The following DGCR2 variants were observed in gnomAD, a reference collection of about 807,000 sequenced individuals.
DGCR2 encodes the protein integral membrane protein DGCR2/IDD.
A neutral mutation model predicts 51.6 loss-of-function variants in DGCR2; 24 were observed. The observed-to-expected ratio is 0.47, with a 90% CI of 0.34 to 0.65. DGCR2 has a LOEUF of 0.65. Among genes scored for constraint, DGCR2 ranks in the 30% least tolerant of loss-of-function variants. The pLI, the probability that DGCR2 is intolerant of heterozygous loss-of-function variation, is 0.01. For missense variants in DGCR2, 765 were observed against 772.1 expected, an observed-to-expected ratio of 0.99 and a Z score of 0.11; for synonymous variants, 340 against 315.4, an observed-to-expected ratio of 1.08 and a Z score of -0.82.
chr22:19,077,596 A>G (rs5993507), intron 2 of DGCR2, among the ~76,000 whole-genome samples: 64,914 of 151,866 alleles, frequency 0.43, 14,194 homozygotes, highest in African/African-American at 0.53. Context: ...CAGCTTTGTA[A>G]TAAGGTTTAA....
chr22:19,064,350 A>T (rs2082723517), intron 4 of DGCR2, among the ~76,000 whole-genome samples: 1 of 152,252 alleles, frequency 6.6e-6, no homozygotes, highest in Non-Finnish European at 1.5e-5. Context: ...GTAGCTGCAG[A>T]AGGAAAAACA....
At chr22:19,087,303 G>GA (rs1448460615) in intron 2 of DGCR2, among the ~76,000 whole-genome samples, 13 of 152,164 alleles carry the variant, frequency 8.5e-5, no homozygotes, top group Admixed American at 7.9e-4. Context: ...CCCTCATTTG[G>GA]AAAGGCAAAC....
chr22:19,062,266 C>T (rs752006548), intron 5 of DGCR2, among the ~76,000 whole-genome samples: 5 of 152,124 alleles, frequency 3.3e-5, no homozygotes, highest in East Asian at 3.9e-4. Context: ...TGAGCAGGAT[C>T]GGGACAGCAG....
intron 7 of DGCR2, among the ~76,000 whole-genome samples, chr22:19,044,088 GACTA>G (rs1245607416): frequency 1.3e-5 from 2 of 152,170 alleles, no homozygotes; most frequent in Admixed American, 6.5e-5. Context: ...CCTTTGCAAT[GACTA>G]ACTCTTAATC....
rs1377492826 is a variant in DGCR2 at position 19,048,663 on chromosome 22, T to C, written c.803-20A>G. On this transcript the variant is annotated intron_variant, in intron 6 of 9. Transcript: ENST00000263196. ...TTTGACCTGCAATGAGCATACATTG[T>C]GTACAGATGTATACAATGCCAAAAA... is the stretch of plus-strand genomic sequence containing the variant. 1.2e-6 allele frequency: 2 copies of C among 1,613,468 alleles called. No homozygotes were observed. Among genetic ancestry groups the C allele is most frequent in the Non-Finnish European group, 1.7e-6 (2 of 1,179,424 alleles).
chr22:19,075,066 T>C (rs1243426630), intron 2 of DGCR2, among the ~76,000 whole-genome samples: 2 of 152,188 alleles, frequency 1.3e-5, no homozygotes, highest in Non-Finnish European at 2.9e-5. Flanking sequence ...CCATCTCCTC[T>C]ATTTTCTTTT....
In DGCR2 at chr22:19,041,238, A is replaced by T; in HGVS notation, c.1216T>A (p.Phe406Ile). ...TGCAGCGGCGTGAGGCCCGTGCCAA[A>T]CCCGTCTGGGCCGTAATCAAAGCCA... is the stretch of plus-strand genomic sequence containing the variant. Reference protein sequence around the residue: ...IPGFDYGPDGFGTGLTPLHLS... With the variant: ...IPGFDYGPDGIGTGLTPLHLS... Residue 406 changes from phenylalanine to isoleucine, a missense_variant, in exon 9 of 10, where the codon TTT becomes ATT. Phe to Ile is a conservative substitution (Grantham distance 21). Around this residue, in one of 3 missense-constraint regions of DGCR2, gnomAD observed 190 missense variants for 265.2 expected, o/e 0.72. Transcript: ENST00000263196. 6.2e-7 allele frequency: 1 copy of T among 1,614,064 alleles called. No homozygotes were observed. The highest frequency in any genetic ancestry group is 2.2e-5 in the East Asian group (1 of 44,872).
intron 3 of DGCR2, among the ~76,000 whole-genome samples, chr22:19,067,692 C>CTAAATAAATAAA (rs60372595): frequency 7.3e-5 from 11 of 149,930 alleles, no homozygotes; most frequent in East Asian, 2.0e-4. Flanking sequence ...GACTCCGTCT[C>CTAAATAAATAAA]TAAATAAATA....
At chr22:19,067,780 T>C (rs1269882054) in intron 3 of DGCR2, among the ~76,000 whole-genome samples, 3 of 152,198 alleles carry the variant, frequency 2.0e-5, no homozygotes, top group Non-Finnish European at 4.4e-5. Flanking sequence ...CAGAGCTGGT[T>C]TCCTCATTTA....
intron 6 of DGCR2, chr22:19,056,444 G>A (rs965807668): frequency 5.0e-5 from 27 of 535,298 alleles, no homozygotes; most frequent in South Asian, 4.3e-4. Flanking sequence ...CAGAGCCAGC[G>A]CCATCCTGCG....
chr22:19,110,469 A>C (rs904254248), intron 1 of DGCR2, among the ~76,000 whole-genome samples: 3 of 152,142 alleles, frequency 2.0e-5, no homozygotes, highest in Non-Finnish European at 4.4e-5. Context: ...TTCACATTGA[A>C]AAGGCGGGAG....
intron 1 of DGCR2, among the ~76,000 whole-genome samples, chr22:19,102,261 G>A (rs994739622): frequency 6.6e-6 from 1 of 152,200 alleles, no homozygotes; most frequent in Non-Finnish European, 1.5e-5. Flanking sequence ...GGTTGCCAAG[G>A]ACTAGGGGTG....
intron 1 of DGCR2, among the ~76,000 whole-genome samples, chr22:19,100,522 C>T (rs764390910): frequency 2.0e-5 from 3 of 151,694 alleles, no homozygotes; most frequent in East Asian, 3.9e-4. Flanking sequence ...AAAAATTAGC[C>T]GGACGTGGTG....
intron 1 of DGCR2, among the ~76,000 whole-genome samples, chr22:19,104,859 G>A (rs1053824192): frequency 2.0e-5 from 3 of 152,218 alleles, no homozygotes; most frequent in Non-Finnish European, 4.4e-5. Flanking sequence ...CTAGGAAAGG[G>A]AGATTTGTCC....
Position 19,057,115 on chromosome 22 carries a change from T to C in DGCR2, c.673A>G (p.Met225Val). The C allele has an allele frequency of 1.9e-6, 3 of 1,608,698 alleles. No individual in the cohort carries two copies. Among genetic ancestry groups the C allele is most frequent in the African/African-American group, 1.3e-5 (1 of 74,992 alleles). ...LPPDPIFASAMSENDNVFCAQ... is the reference protein window; with the variant it reads ...LPPDPIFASAVSENDNVFCAQ... ...CAGAACACGTTGTCGTTCTCAGACA[T>C]GGCCGAGGCAAAGATGGGGTCTGGG... The change falls in exon 6 of 10, where the codon ATG becomes GTG. Residue 225 changes from methionine to valine, a missense_variant. Around this residue, in one of 3 missense-constraint regions of DGCR2, gnomAD observed 370 missense variants for 325.5 expected, o/e 1.14. Coordinates refer to ENST00000263196, the MANE Select transcript of DGCR2 (RefSeq NM_005137.3). This position sits in a 1 kb window ranked among gnomAD's most constrained non-coding sequence, Gnocchi z 5.1.
At chr22:19,079,630 T>C (rs552218561) in intron 2 of DGCR2, among the ~76,000 whole-genome samples, 72 of 152,374 alleles carry the variant, frequency 4.7e-4, no homozygotes, top group Non-Finnish European at 9.6e-4. Flanking sequence ...TCCCTTTATA[T>C]GTAGCATGTA....
At chr22:19,061,998 C>T (rs560412371) in intron 5 of DGCR2, among the ~76,000 whole-genome samples, 1 of 152,182 alleles carries the variant, frequency 6.6e-6, no homozygotes, top group Non-Finnish European at 1.5e-5. Flanking sequence ...AAGCATGAGG[C>T]CCCCAGTCCC....
At chr22:19,077,831 T>A (rs35141714) in intron 2 of DGCR2, among the ~76,000 whole-genome samples, 2 of 137,284 alleles carry the variant, frequency 1.5e-5, no homozygotes, top group African/African-American at 6.1e-5. Context: ...TTTATTTTTG[T>A]CTTTTTTTTT....
chr22:19,062,757 G>GCACA (rs553634878), intron 5 of DGCR2, among the ~76,000 whole-genome samples: 1 of 134,162 alleles, frequency 7.5e-6, no homozygotes. Flanking sequence ...AAATCTTTGC[G>GCACA]CACACACACA....
Sources: allele counts gnomAD v4.1 joint callset (sites outside exome capture counted in the v4.1 genomes callset), GRCh38; gene constraint gnomAD v4.1.1; regional missense constraint gnomAD v4.1.1; non-coding constraint Gnocchi (gnomAD v3.1); transcripts MANE v1.5; gene names NCBI Gene and HGNC (gene_info 2026-07-23, HGNC 2026-07-21).